P2RY14: variants seen among roughly 807,000 people sequenced by gnomAD.
P2RY14 encodes P2Y purinoceptor 14.
Under a neutral mutation model 0.9 loss-of-function variants are expected in P2RY14, and 2 were observed. The observed-to-expected ratio is 2.16, with a 90% CI of 0.88 to 6.79. The LOEUF (loss-of-function observed/expected upper bound fraction) is 6.79, where lower values mean the gene tolerates loss of function less well. Ranked by LOEUF, P2RY14 falls within the 30% of genes most tolerant of loss-of-function variation. P2RY14 has a pLI of 0.05. For synonymous variants in P2RY14, 158 were observed against 147.2 expected (o/e 1.07, Z -0.53); for missense variants, 378 against 400.1 (o/e 0.94, Z 0.47).
chr3:151,223,682 C>G (rs1729876524), intron 1 of P2RY14, among the ~76,000 whole-genome samples: 1 of 152,118 alleles, frequency 6.6e-6, no homozygotes, highest in African/African-American at 2.4e-5. Flanking sequence ...ACTGGAGACT[C>G]CAAAGACGGG....
rs1435163836 is a variant in P2RY14 at position 151,213,570 on chromosome 3, G to T, written c.747C>A (p.Tyr249Ter). ...VFVFFVCFVP[Y>*]HIARIPYTKS... ...TTGTGTAGGGGATTCTGGCAATATG[G>T]TAAGGTACAAAACAGACAAAAAACA... is the stretch of plus-strand genomic sequence containing the variant. The change falls in exon 3 of 3, where the codon TAC becomes TAA. Residue 249 changes from tyrosine (Y) to a stop codon, truncating the protein, a stop_gained. Transcript: ENST00000309170. LOFTEE classifies it high-confidence loss of function. The T allele has an allele frequency of 6.2e-7, 1 of 1,614,152 alleles. No individual in the cohort carries two copies. The highest frequency in any genetic ancestry group is 1.1e-5 in the South Asian group (1 of 91,088).
intron 1 of P2RY14, among the ~76,000 whole-genome samples, chr3:151,229,556 G>A (rs1389751908): frequency 7.4e-6 from 1 of 134,378 alleles, no homozygotes; most frequent in Non-Finnish European, 1.5e-5. Flanking sequence ...TTGGCTCACT[G>A]CAAGATCCGC....
At chr3:151,260,916 C>T (rs770697577) in intron 1 of P2RY14, among the ~76,000 whole-genome samples, 17 of 152,090 alleles carry the variant, frequency 1.1e-4, no homozygotes, top group Non-Finnish European at 1.9e-4. Flanking sequence ...GGCGTCACAT[C>T]CATTTTTCTG....
chr3:151,244,606 G>A (rs1421071056), intron 1 of P2RY14, among the ~76,000 whole-genome samples: 5 of 150,618 alleles, frequency 3.3e-5, no homozygotes, highest in African/African-American at 4.9e-5. Flanking sequence ...TCTCTGGGAC[G>A]CATTCAAAGC....
At chr3:151,271,560 A>G (rs1045732510) in intron 1 of P2RY14, among the ~76,000 whole-genome samples, 15 of 152,236 alleles carry the variant, frequency 9.9e-5, no homozygotes, top group African/African-American at 3.1e-4. Flanking sequence ...TAGAATATTC[A>G]TAGCAACTCT....
At chr3:151,227,046 C>T (rs559234415) in intron 1 of P2RY14, among the ~76,000 whole-genome samples, 7 of 152,184 alleles carry the variant, frequency 4.6e-5, no homozygotes, top group Non-Finnish European at 1.0e-4. Context: ...TTTTCTCTGG[C>T]AGGAGATGTG....
intron 1 of P2RY14, among the ~76,000 whole-genome samples, chr3:151,262,441 G>T (rs1305928618): frequency 1.3e-5 from 2 of 152,178 alleles, no homozygotes; most frequent in African/African-American, 4.8e-5. Flanking sequence ...GGTACCTATG[G>T]GGTGGCCCTG....
At chr3:151,236,532 T>G (rs982000131) in intron 1 of P2RY14, among the ~76,000 whole-genome samples, 1 of 152,224 alleles carries the variant, frequency 6.6e-6, no homozygotes, top group Non-Finnish European at 1.5e-5. Flanking sequence ...AGTAAGCAGC[T>G]GCTCTTGTCT....
intron 1 of P2RY14, among the ~76,000 whole-genome samples, chr3:151,265,162 C>T (rs1739599629): frequency 6.6e-6 from 1 of 152,156 alleles, no homozygotes; most frequent in Admixed American, 6.5e-5. Flanking sequence ...GTATCTGGCA[C>T]AGTGGAAGTA....
At chr3:151,233,002 A>G (rs1282283273) in intron 1 of P2RY14, among the ~76,000 whole-genome samples, 1 of 152,332 alleles carries the variant, frequency 6.6e-6, no homozygotes, top group African/African-American at 2.4e-5. Flanking sequence ...TCTAACAGCT[A>G]TTACCAGACA....
At chr3:151,267,095 C>T (rs934745638) in intron 1 of P2RY14, among the ~76,000 whole-genome samples, 6 of 152,168 alleles carry the variant, frequency 3.9e-5, no homozygotes, top group South Asian at 2.1e-4. Context: ...TCATTTCTTG[C>T]GTGTTAGAAC....
chr3:151,223,870 TGGGGA>T (rs1229733570), intron 1 of P2RY14, among the ~76,000 whole-genome samples: 1 of 152,162 alleles, frequency 6.6e-6, no homozygotes, highest in Non-Finnish European at 1.5e-5. Flanking sequence ...TGCCTACTCC[TGGGGA>T]GGGAAGTAGG....
At chr3:151,268,810 A>G (rs913103704) in intron 1 of P2RY14, among the ~76,000 whole-genome samples, 1 of 152,254 alleles carries the variant, frequency 6.6e-6, no homozygotes. Context: ...GATGTATCAT[A>G]GACCTAAAGG....
intron 2 of P2RY14, among the ~76,000 whole-genome samples, chr3:151,219,169 A>T (rs778870111): frequency 1.3e-5 from 2 of 152,218 alleles, no homozygotes; most frequent in African/African-American, 4.8e-5. Flanking sequence ...TAGTGAGTGC[A>T]CTTGTCCCTT....
chr3:151,258,110 G>A (rs1361908610), intron 1 of P2RY14, among the ~76,000 whole-genome samples: 1 of 152,132 alleles, frequency 6.6e-6, no homozygotes, highest in Non-Finnish European at 1.5e-5. Context: ...GTTGCTCCAA[G>A]GCATTTACAG....
chr3:151,253,339 A>G (rs1737196219), intron 1 of P2RY14, among the ~76,000 whole-genome samples: 2 of 152,150 alleles, frequency 1.3e-5, no homozygotes, highest in African/African-American at 4.8e-5. Context: ...TTCCGCTCTT[A>G]CCCCTCACTC....
At chr3:151,263,975 T>TA (rs1438579246) in intron 1 of P2RY14, among the ~76,000 whole-genome samples, 1 of 152,222 alleles carries the variant, frequency 6.6e-6, no homozygotes, top group African/African-American at 2.4e-5. Flanking sequence ...TGAGATCTCT[T>TA]ACCACCACTC....
At chr3:151,265,792 T>G (rs537506494) in intron 1 of P2RY14, among the ~76,000 whole-genome samples, 11 of 152,234 alleles carry the variant, frequency 7.2e-5, no homozygotes, top group Non-Finnish European at 1.5e-4. Context: ...GGTAAGATTG[T>G]GTTTGTATAA....
At chr3:151,218,921 G>A (rs1038403584) in intron 2 of P2RY14, among the ~76,000 whole-genome samples, 7 of 141,156 alleles carry the variant, frequency 5.0e-5, no homozygotes, top group Non-Finnish European at 1.1e-4. Flanking sequence ...CTGTAATAGT[G>A]TAAGTCTTGA....
Sources: gnomAD v4.1 joint callset for allele counts (sites outside exome capture counted in the v4.1 genomes callset) on GRCh38, gnomAD v4.1.1 for gene constraint, MANE v1.5 for transcripts, NCBI Gene and HGNC (gene_info 2026-07-23, HGNC 2026-07-21) for gene names.